ANO10: variants seen among roughly 807,000 people sequenced by gnomAD.
ANO10 encodes the protein anoctamin-10.
In ANO10, 77 loss-of-function variants were observed where a neutral mutation model predicts 74.7. That is an observed-to-expected ratio of 1.03 (90% CI 0.86 to 1.25). The LOEUF (loss-of-function observed/expected upper bound fraction) is 1.25. Among genes scored for constraint, ANO10 ranks in the 50% most tolerant of loss-of-function variants. ANO10 has a pLI of 0.00. For missense variants in ANO10, 721 were observed against 778.1 expected (o/e 0.93, Z 0.87); for synonymous variants, 279 against 284.9 (o/e 0.98, Z 0.21).
intron 1 of ANO10, among the ~76,000 whole-genome samples, chr3:43,635,188 G>T (rs941419107): frequency 7.2e-5 from 11 of 152,112 alleles, no homozygotes; most frequent in Admixed American, 2.0e-4. Context: ...AAAGAACAAG[G>T]ATACTGAGCC....
chr3:43,641,189 T>C (rs1269317637), intron 1 of ANO10, among the ~76,000 whole-genome samples: 1 of 152,222 alleles, frequency 6.6e-6, no homozygotes, highest in African/African-American at 2.4e-5. Context: ...TTTAAAGAAT[T>C]TGACACAAGA....
rs2081276017 is a variant in ANO10 at position 43,581,862 on chromosome 3, G to A, written c.473-1390C>T. Among the ~76,000 whole-genome samples, 3 of 150,754 alleles carry A rather than the reference G, an allele frequency of 2.0e-5. No individual in the cohort carries two copies. The South Asian group carries it at 6.3e-4, about 32-fold the overall frequency. ...GATGGCTGGAGTCCAGGAGTTCAAG[G>A]CTACAGTGAGCTATGATAATGCCAC... On this transcript the variant is annotated intron_variant, in intron 4 of 12. Coordinates refer to ENST00000292246, the MANE Select transcript of ANO10 (RefSeq NM_018075.5).
intron 12 of ANO10, among the ~76,000 whole-genome samples, chr3:43,386,561 C>G (rs207463129): frequency 6.6e-6 from 1 of 152,006 alleles, no homozygotes; most frequent in Non-Finnish European, 1.5e-5. Flanking sequence ...CATTCTCATG[C>G]AAAGGTTTCT....
chr3:43,391,715 G>T (rs1387126569), intron 12 of ANO10, among the ~76,000 whole-genome samples: 2 of 152,188 alleles, frequency 1.3e-5, no homozygotes, highest in Non-Finnish European at 2.9e-5. Flanking sequence ...TCCCATAGTG[G>T]TGAGGAACTG....
rs565736268 is a variant in ANO10, at chr3:43,428,732, T to C, written c.1914+3879A>G. 1.4e-4 allele frequency among the ~76,000 whole-genome samples: 18 copies of C among 129,786 alleles called. No homozygotes were observed. The South Asian group carries it at 4.2e-3, about 30-fold the overall frequency. The allele number at this position is 129,786 out of a possible 152,430, so 85.1% of individuals were successfully genotyped here. A position where few individuals can be genotyped will look rare whatever the true frequency, so the allele number is the denominator to read the frequency against. ...GATTTTTCTTCTTCTTTTTAAGTAA[T>C]ACAGGTTGAGCATCCCTAATCTGAA... is the stretch of plus-strand genomic sequence containing the variant. On this transcript the variant is annotated intron_variant, in intron 12 of 12. Transcript: ENST00000292246.
intron 2 of ANO10, 110 bp from the exon 3 acceptor site, chr3:43,600,691 T>C (rs1301740627): frequency 1.6e-5 from 15 of 918,420 alleles, no homozygotes; most frequent in Admixed American, 1.0e-4. Context: ...AAAGAAATTA[T>C]ATTAGCAATT....
At chr3:43,680,327 A>G (rs1406581836) in intron 1 of ANO10, among the ~76,000 whole-genome samples, 6 of 152,250 alleles carry the variant, frequency 3.9e-5, no homozygotes, top group African/African-American at 1.2e-4. Flanking sequence ...ACTGGAAGAA[A>G]GGGTATCAGT....
rs185974284 is a variant in ANO10, at chr3:43,582,453, A to G, written c.473-1981T>C. Among the ~76,000 whole-genome samples, 28 of 152,330 alleles carry G rather than the reference A, an allele frequency of 1.8e-4. 1 individual carries two copies. The East Asian group carries it at 5.4e-3, about 29-fold the overall frequency. On this transcript the variant is annotated intron_variant, in intron 4 of 12. Transcript: ENST00000292246. ...CAGAGCGAGACTCCGTCTCAAAAAA[A>G]AAAAGAAACACAAAGTTTTCAGTGT...
At chr3:43,567,209 G>C (rs1402368568) in intron 7 of ANO10, among the ~76,000 whole-genome samples, 1 of 152,160 alleles carries the variant, frequency 6.6e-6, no homozygotes, top group African/African-American at 2.4e-5. Context: ...ACATCTGATT[G>C]GTGTACCTAA....
chr3:43,395,553 G>T (rs2092360861), intron 12 of ANO10, among the ~76,000 whole-genome samples: 2 of 152,060 alleles, frequency 1.3e-5, no homozygotes, highest in African/African-American at 2.4e-5. Context: ...ATTCTCTACT[G>T]CATGGTCTTT....
Position 43,455,137 on chromosome 3 carries a change from C to T in ANO10, c.1798-22410G>A, listed in dbSNP as rs1018643714. 7.9e-5 allele frequency among the ~76,000 whole-genome samples: 12 copies of T among 151,786 alleles called. 1 individual carries two copies. Among genetic ancestry groups the T allele is most frequent in the Admixed American group, 3.9e-4 (6 of 15,226 alleles). ...AGCTGGCGGGAGTTTTCATGTAGTG[C>T]GCCCATTTTCTCAGTGAGGTAGGAA... is the stretch of plus-strand genomic sequence containing the variant. On this transcript the variant is annotated intron_variant, in intron 11 of 12. Transcript: ENST00000292246.
intron 11 of ANO10, among the ~76,000 whole-genome samples, chr3:43,513,862 A>T (rs985607697): frequency 6.6e-6 from 1 of 152,042 alleles, no homozygotes; most frequent in Non-Finnish European, 1.5e-5. Context: ...ATGACAGATC[A>T]GGCAAATAAA....
At chr3:43,527,867 G>C (rs2078277515) in intron 11 of ANO10, among the ~76,000 whole-genome samples, 1 of 152,172 alleles carries the variant, frequency 6.6e-6, no homozygotes, top group South Asian at 2.1e-4. Context: ...GATAGTGCTT[G>C]AAAATGCACA....
intron 1 of ANO10, among the ~76,000 whole-genome samples, chr3:43,649,595 G>T (rs1183716630): frequency 1.3e-5 from 2 of 152,186 alleles, no homozygotes; most frequent in East Asian, 3.9e-4. Context: ...AAGCAGGGAG[G>T]TGTAAGAGTT....
chr3:43,664,042 T>C (rs755095957), intron 1 of ANO10, among the ~76,000 whole-genome samples: 1 of 152,140 alleles, frequency 6.6e-6, no homozygotes, highest in Non-Finnish European at 1.5e-5. Flanking sequence ...TTAAATTTCA[T>C]ATGGAACCAA....
At chr3:43,577,989 T>A (rs1279117727) in intron 5 of ANO10, among the ~76,000 whole-genome samples, 1 of 151,874 alleles carries the variant, frequency 6.6e-6, no homozygotes, top group African/African-American at 2.4e-5. Context: ...ACATGGGGAG[T>A]GCTTGGATCA....
chr3:43,683,485 A>G (rs1453140939), intron 1 of ANO10, among the ~76,000 whole-genome samples: 2 of 152,194 alleles, frequency 1.3e-5, no homozygotes, highest in Non-Finnish European at 2.9e-5. Flanking sequence ...AATCAATATC[A>G]TGAAAATGGC....
chr3:43,410,647 T>A (rs955661858), intron 12 of ANO10, among the ~76,000 whole-genome samples: 2 of 152,104 alleles, frequency 1.3e-5, no homozygotes, highest in African/African-American at 2.4e-5. Flanking sequence ...TATTTTGATG[T>A]GCTCTTAAAA....
intron 11 of ANO10, among the ~76,000 whole-genome samples, chr3:43,546,778 T>C (rs141713015): frequency 9.6e-4 from 146 of 152,094 alleles, no homozygotes; most frequent in Non-Finnish European, 1.9e-3. Context: ...CTGACAAAAA[T>C]TGAACAGGGC....
Sources: allele counts gnomAD v4.1 joint callset (sites outside exome capture counted in the v4.1 genomes callset), GRCh38; gene constraint gnomAD v4.1.1; transcripts MANE v1.5; gene names NCBI Gene and HGNC (gene_info 2026-07-23, HGNC 2026-07-21).